Variants in RPL35 observed in about 807,000 individuals in gnomAD.
RPL35 encodes the protein large ribosomal subunit protein uL29.
In RPL35, 2 loss-of-function variants were observed where a neutral mutation model predicts 15.6. The observed-to-expected ratio is 0.13, with a 90% CI of 0.05 to 0.40. The LOEUF is 0.40. Ranked by LOEUF, RPL35 falls within the 10% of genes least tolerant of loss-of-function variation. The pLI, the probability that RPL35 is intolerant of heterozygous loss-of-function variation, is 0.99. For synonymous variants in RPL35, 93 were observed against 67.9 expected (o/e 1.37, Z -1.82); for missense variants, 111 against 164.7 (o/e 0.67, Z 1.79).
chr9:124,858,169 G>T, intron 3 of RPL35, 102 bp from the exon 4 acceptor site: 1 of 1,218,448 alleles, frequency 8.2e-7, no homozygotes, highest in Non-Finnish European at 1.1e-6. Flanking sequence ...CTCAGGAGGA[G>T]GCTGCCACCA....
At chr9:124,858,379 CCAGTCACGAGGA>C (rs1428123562) in intron 3 of RPL35, 13 of 651,022 alleles carry the variant, frequency 2.0e-5, no homozygotes, top group Admixed American at 9.2e-5. Flanking sequence ...TGCCCGATTC[CCAGTCACGAGGA>C]CAGTCACATG....
chr9:124,859,030 G>A (rs150459372), intron 3 of RPL35, among the ~76,000 whole-genome samples: 133 of 152,292 alleles, frequency 8.7e-4, no homozygotes, highest in African/African-American at 3.0e-3. Context: ...CTGGGCATTC[G>A]TCCTTTTCAC....
chr9:124,860,370 A>C, intron 2 of RPL35, 106 bp from the exon 3 acceptor site: 2 of 907,806 alleles, frequency 2.2e-6, no homozygotes, highest in Non-Finnish European at 3.7e-6. Flanking sequence ...CCATCAACCC[A>C]TCCATATTCA....
chr9:124,860,423 G>C (rs1829178827), intron 2 of RPL35, among the ~76,000 whole-genome samples, 159 bp from the exon 3 acceptor site: 1 of 152,232 alleles, frequency 6.6e-6, no homozygotes, highest in Admixed American at 6.5e-5. Flanking sequence ...GAGGAGGGAA[G>C]AGAGGGGCAT....
chr9:124,861,614 C>A, intron 1 of RPL35, 59 bp from the exon 2 acceptor site: 1 of 1,585,554 alleles, frequency 6.3e-7, no homozygotes, highest in South Asian at 1.1e-5. Flanking sequence ...CCTTCACCTG[C>A]GTGGCCAGCC....
At chr9:124,859,168 A>G (rs965141067) in intron 3 of RPL35, among the ~76,000 whole-genome samples, 2 of 152,182 alleles carry the variant, frequency 1.3e-5, no homozygotes, top group Admixed American at 6.5e-5. Context: ...ACATAGCCAC[A>G]CTATGGCCCT....
chr9:124,858,373 C>CAGT, intron 3 of RPL35: 1 of 647,452 alleles, frequency 1.5e-6, no homozygotes. Flanking sequence ...TTCCACTGCC[C>CAGT]GATTCCCAGT....
At chr9:124,859,013 G>C (rs746648284) in intron 3 of RPL35, among the ~76,000 whole-genome samples, 1 of 152,202 alleles carries the variant, frequency 6.6e-6, no homozygotes, top group Non-Finnish European at 1.5e-5. Context: ...ACTCCTGCTG[G>C]CATCGGCTGG....
intron 2 of RPL35, 165 bp downstream of exon 2, chr9:124,861,254 G>A: frequency 1.2e-6 from 1 of 849,640 alleles, no homozygotes; most frequent in Non-Finnish European, 1.8e-6. Context: ...GCAAGGTCAA[G>A]GCAGGTAAGA....
intron 3 of RPL35, chr9:124,858,404 A>C: frequency 1.5e-6 from 1 of 675,460 alleles, no homozygotes; most frequent in Admixed American, 2.2e-5. Flanking sequence ...GTCACATGAC[A>C]ACCTAGTACA....
chr9:124,861,882 G>T (rs1240409429), intron 1 of RPL35, 28 bp downstream of exon 1: 1 of 1,602,368 alleles, frequency 6.2e-7, no homozygotes, highest in Non-Finnish European at 8.5e-7. Flanking sequence ...CACAGCGCTC[G>T]GATGGCGCCC....
Position 124,861,558 on chromosome 9 carries a change from G to A in RPL35, c.4-3C>T. The A allele has an allele frequency of 1.9e-6, 3 of 1,613,558 alleles. No individual in the cohort carries two copies. Among genetic ancestry groups the A allele is most frequent in the Non-Finnish European group, 2.5e-6 (3 of 1,179,874 alleles). On this transcript the variant is annotated splice_polypyrimidine_tract_variant and splice_region_variant and intron_variant, in intron 1 of 3. Transcript: ENST00000348462. Reference sequence around the variant, plus strand: ...AGATCTCGAGCCTTGATCTTGGCCTGCGCGCAAGAGAGAGTGTGCCTCAGC... The same window carrying A: ...AGATCTCGAGCCTTGATCTTGGCCTACGCGCAAGAGAGAGTGTGCCTCAGC...
intron 3 of RPL35, among the ~76,000 whole-genome samples, chr9:124,858,978 AAGT>A (rs1454639050): frequency 6.6e-6 from 1 of 152,148 alleles, no homozygotes; most frequent in Admixed American, 6.5e-5. Context: ...GGAAGCAGGA[AAGT>A]CTTTGTCCTC....
chr9:124,859,886 G>A (rs967827522), intron 3 of RPL35, among the ~76,000 whole-genome samples: 5 of 152,128 alleles, frequency 3.3e-5, no homozygotes, highest in African/African-American at 4.8e-5. Context: ...ACCTTCAACA[G>A]CCAGTCCTAT....
At position 124,861,897 on chromosome 9, in the gene RPL35, C is replaced by G. The variant is rs780535807; in HGVS notation, c.3+13G>C. 2.2e-5 allele frequency: 35 copies of G among 1,603,926 alleles called. No individual in the cohort carries two copies. In the Middle Eastern group the frequency reaches 5.0e-4, roughly 23 times the overall value. ...CACAGCGCTCGGATGGCGCCCGATT[C>G]CGCAGCTCTCACCATTGCTGCACAA... On this transcript the variant is annotated intron_variant, in intron 1 of 3. Coordinates refer to ENST00000348462, the MANE Select transcript of RPL35 (RefSeq NM_007209.4).
chr9:124,861,430 C>A lies in RPL35; in HGVS notation c.129G>T (p.Lys43Asn). ...VAKVTGGAASKLSKIRVVRKS... is the reference protein window; with the variant it reads ...VAKVTGGAASNLSKIRVVRKS... The stretch of plus-strand genomic sequence containing the variant: ...GCCGCCTCACTTACATCTTAGAGAG[C>A]TTGGAGGCCGCACCGCCTGTCACTT... Residue 43 changes from lysine (K) to asparagine (N), a missense_variant, in exon 2 of 4, where the codon AAG becomes AAT. By Grantham distance (94) the Lys-to-Asn change is moderately conservative. Coordinates refer to ENST00000348462, the MANE Select transcript of RPL35 (RefSeq NM_007209.4). 6.2e-7 allele frequency: 1 copy of A among 1,613,100 alleles called. No individual in the cohort carries two copies. The highest frequency in any genetic ancestry group is 2.2e-5 in the East Asian group (1 of 44,880).
chr9:124,858,568 C>A, intron 3 of RPL35: 3 of 708,294 alleles, frequency 4.2e-6, no homozygotes, highest in Non-Finnish European at 5.3e-6. Context: ...AGAGGCCTGG[C>A]TGGCCAAGGC....
At position 124,861,945 on chromosome 9, in the gene RPL35, C is replaced by A. The variant is rs770996464; in HGVS notation, c.-33G>T. Reference sequence around the variant, plus strand: ...CAAGCCGCCAACGCCGCCGCCCGCTCCGAGGGAAAGAGGAAGTAGGCGGGG... The same window carrying A: ...CAAGCCGCCAACGCCGCCGCCCGCTACGAGGGAAAGAGGAAGTAGGCGGGG... On this transcript the variant is annotated 5_prime_UTR_variant, in exon 1 of 4. Transcript: ENST00000348462. 3 of 1,597,082 alleles carry A rather than the reference C, an allele frequency of 1.9e-6. No individual in the cohort carries two copies. The highest frequency in any genetic ancestry group is 2.6e-6 in the Non-Finnish European group (3 of 1,172,716).
At chr9:124,858,721 C>T (rs1829149749) in intron 3 of RPL35, among the ~76,000 whole-genome samples, 1 of 152,252 alleles carries the variant, frequency 6.6e-6, no homozygotes, top group South Asian at 2.1e-4. Flanking sequence ...TCTCACTGGT[C>T]TCTCCTGTGT....
Sources: gnomAD v4.1 joint callset for allele counts (sites outside exome capture counted in the v4.1 genomes callset) on GRCh38, gnomAD v4.1.1 for gene constraint, MANE v1.5 for transcripts, NCBI Gene and HGNC (gene_info 2026-07-23, HGNC 2026-07-21) for gene names.